ABCC9: variants seen among roughly 807,000 people sequenced by gnomAD.
The protein encoded by ABCC9 is ATP-binding cassette sub-family C member 9.
A neutral mutation model predicts 188.3 loss-of-function variants in ABCC9; 95 were observed. That is an observed-to-expected ratio of 0.50 (90% confidence interval 0.43 to 0.60). ABCC9 has a LOEUF of 0.60. ABCC9 is among the 20% of genes least tolerant of loss of function. The probability of loss-of-function intolerance (pLI) is 0.00; values close to 1 mark genes in which losing one functional copy is unlikely to be tolerated. For missense variants in ABCC9, 1,102 were observed against 1,876.3 expected (o/e 0.59, Z 7.62); for synonymous variants, 659 against 652.7 (o/e 1.01, Z -0.15).
chr12:21,918,689 T>C (rs1948693882), intron 5 of ABCC9, among the ~76,000 whole-genome samples: 1 of 152,128 alleles, frequency 6.6e-6, no homozygotes, highest in Non-Finnish European at 1.5e-5. Flanking sequence ...GGCTGGGTTC[T>C]CTGCTCCAGG....
intron 12 of ABCC9, among the ~76,000 whole-genome samples, chr12:21,899,896 C>T (rs1451465372): frequency 6.6e-6 from 1 of 152,178 alleles, no homozygotes; most frequent in Non-Finnish European, 1.5e-5. Flanking sequence ...AGGGCATAGC[C>T]AAACAAAAGG....
At chr12:21,932,937 G>A (rs1949344655) in intron 4 of ABCC9, among the ~76,000 whole-genome samples, 1 of 148,344 alleles carries the variant, frequency 6.7e-6, no homozygotes, top group Admixed American at 6.9e-5. Flanking sequence ...GCATGCATAT[G>A]TTCATTGCAG....
At chr12:21,877,882 A>G (rs1447317481) in intron 16 of ABCC9, among the ~76,000 whole-genome samples, 1 of 152,164 alleles carries the variant, frequency 6.6e-6, no homozygotes, top group Non-Finnish European at 1.5e-5. Flanking sequence ...TCATTGTGTC[A>G]CCTTCTCCAT....
chr12:21,923,986 G>T, intron 5 of ABCC9: 1 of 534,608 alleles, frequency 1.9e-6, no homozygotes. Context: ...ATCATGCTTA[G>T]AAAAAGAAGC....
At position 21,882,691 on chromosome 12, in the gene ABCC9, C is replaced by T. The variant is rs1946680878; in HGVS notation, c.2019+75G>A. 3 of 1,342,074 alleles carry T rather than the reference C, an allele frequency of 2.2e-6. No homozygotes were observed. In the South Asian group the frequency reaches 3.6e-5, roughly 16 times the overall value. The allele number at this position is 1,342,074 out of a possible 1,614,324, so 83.1% of individuals were successfully genotyped here. On this transcript the variant is annotated intron_variant, in intron 16 of 39. Coordinates refer to ENST00000261200, the MANE Select transcript of ABCC9 (RefSeq NM_020297.4). ...CAATTTAAAGGCACAATTTGGGACACTTTCACAGAACTTCACCATAAAATA... is the reference window on the plus strand; with the variant it reads ...CAATTTAAAGGCACAATTTGGGACATTTTCACAGAACTTCACCATAAAATA...
chr12:21,907,152 TG>T, intron 11 of ABCC9, among the ~76,000 whole-genome samples: 1 of 152,056 alleles, frequency 6.6e-6, no homozygotes, highest in East Asian at 1.9e-4. Context: ...TGAATGAATA[TG>T]GTATGAATAG....
At chr12:21,886,634 C>T (rs930717802) in intron 15 of ABCC9, among the ~76,000 whole-genome samples, 5 of 152,206 alleles carry the variant, frequency 3.3e-5, no homozygotes, top group Admixed American at 3.3e-4. Context: ...TTATATTACT[C>T]CCTACTTTGA....
chr12:21,894,623 T>G (rs1947314951), intron 13 of ABCC9, among the ~76,000 whole-genome samples: 1 of 77,002 alleles, frequency 1.3e-5, no homozygotes. Context: ...CATTTTTTTT[T>G]TTTTGAGACA....
At chr12:21,928,647 A>T (rs1220679997) in intron 4 of ABCC9, among the ~76,000 whole-genome samples, 1 of 152,162 alleles carries the variant, frequency 6.6e-6, no homozygotes. Flanking sequence ...TCAATTTAAG[A>T]TTTTAGAAAA....
chr12:21,925,759 C>A (rs562573151), intron 5 of ABCC9, among the ~76,000 whole-genome samples, 183 bp downstream of exon 5: 1 of 151,972 alleles, frequency 6.6e-6, no homozygotes, highest in Non-Finnish European at 1.5e-5. Context: ...CCTAGAGCAA[C>A]TCAGCTTATC....
chr12:21,820,194 C>A (rs746020855), intron 31 of ABCC9, among the ~76,000 whole-genome samples: 48 of 151,776 alleles, frequency 3.2e-4, no homozygotes, highest in Non-Finnish European at 4.9e-4. Flanking sequence ...TAATAAGTTG[C>A]AGAAAGTAAA....
chr12:21,906,069 T>G, intron 12 of ABCC9, 57 bp downstream of exon 12: 2 of 1,531,230 alleles, frequency 1.3e-6, no homozygotes, highest in Admixed American at 3.3e-5. Context: ...CTGAATAGAC[T>G]GTTGGTTATT....
In ABCC9 at chr12:21,856,892, T is replaced by G. The variant is rs146627116; in HGVS notation, c.2505+2694A>C. ...TTACATAGCCAATACTCAAAAGGCA[T>G]GCATTTCTAGCACAAACTCTGTCAT... On this transcript the variant is annotated intron_variant, in intron 22 of 39. Transcript: ENST00000261200. Among the ~76,000 whole-genome samples the G allele has an allele frequency of 4.1e-3, 629 of 152,310 alleles. 2 individuals are homozygous for G. The highest frequency in any genetic ancestry group is 0.014 in the African/African-American group (572 of 41,570).
At chr12:21,934,651 G>A (rs956865099) in intron 3 of ABCC9, among the ~76,000 whole-genome samples, 1 of 152,014 alleles carries the variant, frequency 6.6e-6, no homozygotes, top group Non-Finnish European at 1.5e-5. Context: ...AGTAATACTA[G>A]GTCATGTAGA....
Position 21,798,243 on chromosome 12 carries a change from C to A in ABCC9, c.*2801G>T, listed in dbSNP as rs16924306. On this transcript the variant is annotated 3_prime_UTR_variant, in exon 40 of 40. Transcript: ENST00000261200. ...ATAAGAAAATATCATTAAAAGATTACTTCCACAATGGTTGAACTAGTTTAC... is the reference window on the plus strand; with the variant it reads ...ATAAGAAAATATCATTAAAAGATTAATTCCACAATGGTTGAACTAGTTTAC... The A allele has an allele frequency of 6.6e-6, 1 of 152,180 alleles. No homozygotes were observed. The highest frequency in any genetic ancestry group is 2.4e-5 in the African/African-American group (1 of 41,446). 9.4% of individuals were successfully genotyped at this position (152,180 alleles called of 1,614,324 possible).
At chr12:21,889,459 A>G (rs971146979) in intron 14 of ABCC9, among the ~76,000 whole-genome samples, 2 of 152,222 alleles carry the variant, frequency 1.3e-5, no homozygotes. Context: ...TCTGTCAATC[A>G]AAGGAATACC....
intron 4 of ABCC9, among the ~76,000 whole-genome samples, chr12:21,929,886 A>G (rs976055143): frequency 6.6e-6 from 1 of 152,056 alleles, no homozygotes; most frequent in Non-Finnish European, 1.5e-5. Flanking sequence ...CACAACATGC[A>G]GTTTTGTTAC....
At chr12:21,862,088 T>C (rs704191) in intron 20 of ABCC9, among the ~76,000 whole-genome samples, 91,864 of 151,886 alleles carry the variant, frequency 0.6, 28,315 homozygotes, top group African/African-American at 0.71. Flanking sequence ...TATCTGTCCA[T>C]TGTTGTTCTT....
intron 18 of ABCC9, among the ~76,000 whole-genome samples, chr12:21,870,416 C>T (rs1336721824): frequency 6.6e-6 from 1 of 151,950 alleles, no homozygotes; most frequent in Non-Finnish European, 1.5e-5. Flanking sequence ...ATCACCATGA[C>T]CTGCTTATTT....
Sources: gnomAD v4.1 joint callset for allele counts (sites outside exome capture counted in the v4.1 genomes callset) on GRCh38, gnomAD v4.1.1 for gene constraint, MANE v1.5 for transcripts, NCBI Gene and HGNC (gene_info 2026-07-23, HGNC 2026-07-21) for gene names.